Variants in PPFIBP2 observed in about 807,000 individuals in gnomAD.
The protein encoded by PPFIBP2 is PPFIB scaffold protein 2.
Under a neutral mutation model 118.3 loss-of-function variants are expected in PPFIBP2, and 118 were observed. The ratio of observed to expected loss-of-function variants is 1.00; its 90% CI spans 0.86 to 1.16. PPFIBP2 has a LOEUF of 1.16. Ranked by LOEUF, PPFIBP2 falls within the 50% of genes most tolerant of loss-of-function variation. PPFIBP2 has a pLI of 0.00. For synonymous variants in PPFIBP2, 414 were observed against 397.4 expected, an observed-to-expected ratio of 1.04 and a Z score of -0.50; for missense variants, 1,195 against 1,073.1, an observed-to-expected ratio of 1.11 and a Z score of -1.59.
chr11:7,531,242 A>G (rs371683625), intron 1 of PPFIBP2, among the ~76,000 whole-genome samples: 2 of 152,238 alleles, frequency 1.3e-5, no homozygotes, highest in South Asian at 2.1e-4. Context: ...CCAAGTGGCA[A>G]ATATCTTGTG....
chr11:7,539,682 G>GA (rs1851573653), intron 1 of PPFIBP2, among the ~76,000 whole-genome samples: 1 of 152,204 alleles, frequency 6.6e-6, no homozygotes, highest in African/African-American at 2.4e-5. Flanking sequence ...TGGCGAGGGG[G>GA]ACCCAGTCAG....
chr11:7,583,378 G>C (rs1857560518), intron 3 of PPFIBP2, among the ~76,000 whole-genome samples: 2 of 152,160 alleles, frequency 1.3e-5, no homozygotes. Context: ...GGGGAGCTAA[G>C]ACAGTCACAG....
Position 7,650,975 on chromosome 11 carries a change from T to C in PPFIBP2, c.2247+10T>C. 6.2e-7 allele frequency: 1 copy of C among 1,611,902 alleles called. No homozygotes were observed. The highest frequency in any genetic ancestry group is 8.5e-7 in the Non-Finnish European group (1 of 1,178,484). ...CCATGGAGGCCTCATTGTGAGTGGCTCTCTGGCCTAGCCCACCTGCCTTGG... is the reference window on the plus strand; with the variant it reads ...CCATGGAGGCCTCATTGTGAGTGGCCCTCTGGCCTAGCCCACCTGCCTTGG... On this transcript the variant is annotated intron_variant, in intron 22 of 23. Coordinates refer to ENST00000299492, the MANE Select transcript of PPFIBP2 (RefSeq NM_003621.5).
At chr11:7,540,256 G>GT (rs1177568511) in intron 1 of PPFIBP2, among the ~76,000 whole-genome samples, 5 of 152,094 alleles carry the variant, frequency 3.3e-5, no homozygotes, top group African/African-American at 1.2e-4. Flanking sequence ...GGTGTGGGGG[G>GT]GCGGTGAGGC....
intron 3 of PPFIBP2, among the ~76,000 whole-genome samples, chr11:7,569,578 T>C (rs942693586): frequency 4.6e-5 from 7 of 152,192 alleles, no homozygotes; most frequent in East Asian, 1.9e-4. Context: ...CTCTGGAAAG[T>C]TGGTGAATGA....
intron 3 of PPFIBP2, among the ~76,000 whole-genome samples, chr11:7,566,688 A>C (rs1855025772): frequency 6.6e-6 from 1 of 151,600 alleles, no homozygotes; most frequent in Non-Finnish European, 1.5e-5. Flanking sequence ...TAATATACCT[A>C]AATTATAAAA....
chr11:7,577,548 C>A lies in PPFIBP2; in HGVS notation c.279+11781C>A, dbSNP rs750205903. The stretch of plus-strand genomic sequence containing the variant: ...AACTGGTCTCCAGCCAGGAAAAGGG[C>A]TTTTTCCACCAAGGCATCTAACTGC... On this transcript the variant is annotated intron_variant, in intron 3 of 23. Transcript: ENST00000299492. 7.7e-5 allele frequency: 35 copies of A among 456,574 alleles called. 1 individual carries two copies. Among genetic ancestry groups the A allele is most frequent in the South Asian group, 4.6e-4 (30 of 64,556 alleles). The allele number at this position is 456,574 out of a possible 1,614,324, so 28.3% of individuals were successfully genotyped here.
chr11:7,625,805 T>C lies in PPFIBP2; in HGVS notation c.740T>C (p.Val247Ala), dbSNP rs1382946346. Residue 247 changes from valine (V) to alanine (A), a missense_variant, in exon 8 of 24, where the codon GTG becomes GCG. Coordinates refer to ENST00000299492, the MANE Select transcript of PPFIBP2 (RefSeq NM_003621.5). Reference sequence around the variant, plus strand: ...GAAGTCGCCCAGCTGCAAGAACAGGTGGCCCTGAAAGATGCAGAAATTGAG... The same window carrying C: ...GAAGTCGCCCAGCTGCAAGAACAGGCGGCCCTGAAAGATGCAGAAATTGAG... Reference protein sequence around the residue: ...KAEVAQLQEQVALKDAEIERL... With the variant: ...KAEVAQLQEQAALKDAEIERL... 2.5e-6 allele frequency: 4 copies of C among 1,614,094 alleles called. No individual in the cohort carries two copies. Among genetic ancestry groups the C allele is most frequent in the African/African-American group, 1.3e-5 (1 of 74,934 alleles).
chr11:7,648,978 G>C, intron 19 of PPFIBP2, 67 bp downstream of exon 19: 1 of 1,452,276 alleles, frequency 6.9e-7, no homozygotes. Flanking sequence ...GAATTTTCCT[G>C]TTAAATGGGT....
intron 16 of PPFIBP2, 106 bp from the exon 17 acceptor site, chr11:7,642,192 C>T (rs1033796143): frequency 8.1e-6 from 11 of 1,366,272 alleles, no homozygotes; most frequent in African/African-American, 7.2e-5. Flanking sequence ...GCAGTGCTGC[C>T]GAGAGTCCCT....
rs959871177 is a variant in PPFIBP2, at chr11:7,624,686, C to A, written c.712-1091C>A. 2.6e-5 allele frequency among the ~76,000 whole-genome samples: 4 copies of A among 152,200 alleles called. No homozygotes were observed. The East Asian group carries it at 5.8e-4, about 22-fold the overall frequency. On this transcript the variant is annotated intron_variant, in intron 7 of 23. Coordinates refer to ENST00000299492, the MANE Select transcript of PPFIBP2 (RefSeq NM_003621.5). Reference sequence around the variant, plus strand: ...CTGGTTTGATGCTGAGAGAATTGAACCGATTATCCACAAAGAAAAGAATAG... The same window carrying A: ...CTGGTTTGATGCTGAGAGAATTGAAACGATTATCCACAAAGAAAAGAATAG...
chr11:7,574,949 A>G (rs906785393), intron 3 of PPFIBP2, among the ~76,000 whole-genome samples: 1 of 152,160 alleles, frequency 6.6e-6, no homozygotes, highest in Non-Finnish European at 1.5e-5. Flanking sequence ...ATTTAGCTGC[A>G]GTTTATCTGG....
Position 7,650,827 on chromosome 11 carries a change from C to T in PPFIBP2, c.2122-13C>T. The T allele has an allele frequency of 6.2e-7, 1 of 1,612,810 alleles. No individual in the cohort carries two copies. Among genetic ancestry groups the T allele is most frequent in the Non-Finnish European group, 8.5e-7 (1 of 1,179,130 alleles). On this transcript the variant is annotated splice_polypyrimidine_tract_variant and intron_variant, in intron 21 of 23. Transcript: ENST00000299492. Reference sequence around the variant, plus strand: ...TAAGCCTAACTTCCTCACTCTCCTTCTCCCTCTGACAGAGTAACCTTTCTC... The same window carrying T: ...TAAGCCTAACTTCCTCACTCTCCTTTTCCCTCTGACAGAGTAACCTTTCTC...
At chr11:7,664,264 A>G in the PPFIBP2 span, among the ~76,000 whole-genome samples, 1 of 152,084 alleles carries the variant, frequency 6.6e-6, no homozygotes, top group Non-Finnish European at 1.5e-5. Context: ...CATGAATCAT[A>G]TTTTCCCAGG....
At chr11:7,515,483 A>G (rs182159004) in intron 1 of PPFIBP2, among the ~76,000 whole-genome samples, 40 of 152,332 alleles carry the variant, frequency 2.6e-4, no homozygotes, top group African/African-American at 9.1e-4. Context: ...CCTGTCTTTC[A>G]TCTGAGCAGG....
intron 1 of PPFIBP2, among the ~76,000 whole-genome samples, chr11:7,515,973 CTG>C (rs1314636218): frequency 1.3e-5 from 2 of 152,228 alleles, no homozygotes; most frequent in African/African-American, 4.8e-5. Flanking sequence ...ACTTGACATT[CTG>C]TGTTTCTAAC....
At chr11:7,621,250 C>T (rs1418771253) in intron 7 of PPFIBP2, among the ~76,000 whole-genome samples, 1 of 152,166 alleles carries the variant, frequency 6.6e-6, no homozygotes, top group African/African-American at 2.4e-5. Flanking sequence ...TGTAGTAACC[C>T]AGTCTGCTTC....
chr11:7,608,009 T>A (rs1486755641), intron 5 of PPFIBP2, among the ~76,000 whole-genome samples: 2 of 152,052 alleles, frequency 1.3e-5, no homozygotes, highest in East Asian at 1.9e-4. Context: ...AGAGAGTAGG[T>A]GGTGTGGGGG....
At position 7,605,638 on chromosome 11, in the gene PPFIBP2, T is replaced by C. The variant is rs541336222; in HGVS notation, c.487-4653T>C. The C allele has an allele frequency of 1.0e-5, 11 of 1,059,246 alleles. No individual in the cohort carries two copies. The South Asian group carries it at 4.2e-4, about 41-fold the overall frequency. The allele number at this position is 1,059,246 out of a possible 1,614,324, so 65.6% of individuals were successfully genotyped here. A position where few individuals can be genotyped will look rare whatever the true frequency, so the allele number is the denominator to read the frequency against. On this transcript the variant is annotated intron_variant, in intron 5 of 23. Coordinates refer to ENST00000299492, the MANE Select transcript of PPFIBP2 (RefSeq NM_003621.5). Reference sequence around the variant, plus strand: ...TGCTGTGGTATGAATACAATTGGAATGACTCACCTCAAGGTACAGAGTTGA... The same window carrying C: ...TGCTGTGGTATGAATACAATTGGAACGACTCACCTCAAGGTACAGAGTTGA...
Sources: allele counts gnomAD v4.1 joint callset (sites outside exome capture counted in the v4.1 genomes callset), GRCh38; gene constraint gnomAD v4.1.1; transcripts MANE v1.5; gene names NCBI Gene and HGNC (gene_info 2026-07-23, HGNC 2026-07-21).